HK1: variants seen among roughly 807,000 people sequenced by gnomAD.
HK1 encodes the protein hexokinase 1, also known as hexokinase-1.
In HK1, 28 loss-of-function variants were observed where a neutral mutation model predicts 91.6. That is an observed-to-expected ratio of 0.31 (90% CI 0.23 to 0.42). The LOEUF is 0.42. Among genes scored for constraint, HK1 ranks in the 10% least tolerant of loss-of-function variants. HK1 has a pLI of 1.00. For missense variants in HK1, 770 were observed against 1,219.8 expected, an observed-to-expected ratio of 0.63 and a Z score of 5.49; for synonymous variants, 430 against 468.1, an observed-to-expected ratio of 0.92 and a Z score of 1.05.
At position 69,395,174 on chromosome 10, in the gene HK1, G is replaced by A. The variant is rs1385622691; in HGVS notation, c.2375+69G>A. The A allele has an allele frequency of 3.3e-6, 5 of 1,506,954 alleles. No homozygotes were observed. In the South Asian group the frequency reaches 3.5e-5, roughly 10 times the overall value. The allele number at this position is 1,506,954 out of a possible 1,614,324, so 93.3% of individuals were successfully genotyped here. On this transcript the variant is annotated intron_variant, in intron 16 of 17. Coordinates refer to ENST00000359426, the MANE Select transcript of HK1 (RefSeq NM_000188.3). Reference sequence around the variant, plus strand: ...GTCGCCTGGCTGGTGGATTGTGATGGGGGTGGTAGGGACCCTAGGGGACAT... The same window carrying A: ...GTCGCCTGGCTGGTGGATTGTGATGAGGGTGGTAGGGACCCTAGGGGACAT...
intron 2 of HK1, among the ~76,000 whole-genome samples, chr10:69,348,917 A>G (rs1334093359): frequency 6.6e-6 from 1 of 152,170 alleles, no homozygotes; most frequent in Non-Finnish European, 1.5e-5. Flanking sequence ...CTCGAGACAC[A>G]TCTGTCCTGT....
intron 7 of HK1, among the ~76,000 whole-genome samples, 163 bp from the exon 8 acceptor site, chr10:69,376,771 C>G (rs1458547917): frequency 6.6e-6 from 1 of 152,168 alleles, no homozygotes; most frequent in Non-Finnish European, 1.5e-5. Context: ...CGATCCCTCT[C>G]CCTCTGCTGT....
At chr10:69,346,883 C>G (rs1177933295) in intron 2 of HK1, among the ~76,000 whole-genome samples, 2 of 152,048 alleles carry the variant, frequency 1.3e-5, no homozygotes, top group Non-Finnish European at 2.9e-5. Flanking sequence ...GAAAACGTCC[C>G]CTTTGCCCTC....
intron 1 of HK1, among the ~76,000 whole-genome samples, chr10:69,332,385 T>TTTCTTTCTTTCTTTCTTTC (rs1589497802): frequency 3.7e-5 from 5 of 133,358 alleles, no homozygotes; most frequent in Non-Finnish European, 7.7e-5. Context: ...TTCTTTCTTT[T>TTTCTTTCTTTCTTTCTTTC]TTTCTTTTTT....
intron 2 of HK1, among the ~76,000 whole-genome samples, chr10:69,356,199 G>T (rs1180204761): frequency 1.3e-5 from 2 of 152,316 alleles, no homozygotes; most frequent in East Asian, 3.9e-4. Context: ...CACTTTGGGA[G>T]GCCAAGCAAG....
chr10:69,275,399 C>A (rs369503039), intron 1 of HK1, among the ~76,000 whole-genome samples: 40 of 137,410 alleles, frequency 2.9e-4, no homozygotes, highest in Middle Eastern at 4.3e-3. Context: ...AAAAAAAAAA[C>A]AACTTAAATT....
chr10:69,348,175 AAG>A (rs1564530687), intron 2 of HK1, among the ~76,000 whole-genome samples: 2 of 152,208 alleles, frequency 1.3e-5, no homozygotes, highest in South Asian at 2.1e-4. Flanking sequence ...CTTTACCCAA[AAG>A]AGAAGTTTTT....
chr10:69,317,383 G>C (rs1406510900), upstream of HK1, among the ~76,000 whole-genome samples: 2 of 152,170 alleles, frequency 1.3e-5, no homozygotes, highest in African/African-American at 4.8e-5. Flanking sequence ...ACTGTGACCT[G>C]GACAGGAAGC....
chr10:69,366,463 G>C (rs949629048), intron 4 of HK1, among the ~76,000 whole-genome samples: 1 of 152,106 alleles, frequency 6.6e-6, no homozygotes. Context: ...CAGCAAGAAG[G>C]GGCTTGAGAG....
At chr10:69,362,953 T>G (rs1158799577) in intron 3 of HK1, among the ~76,000 whole-genome samples, 2 of 152,154 alleles carry the variant, frequency 1.3e-5, no homozygotes, top group East Asian at 3.9e-4. Flanking sequence ...TGACCAGGCG[T>G]TCTATTACTC....
upstream of HK1, among the ~76,000 whole-genome samples, chr10:69,313,110 C>G (rs998342517): frequency 6.6e-6 from 1 of 152,176 alleles, no homozygotes; most frequent in Non-Finnish European, 1.5e-5. Context: ...GATTCAGGTA[C>G]AAGACTTAAG....
At position 69,370,273 on chromosome 10, in the gene HK1, G is replaced by A. The variant is rs537460978; in HGVS notation, c.875+649G>A. Among the ~76,000 whole-genome samples the A allele has an allele frequency of 1.6e-4, 25 of 152,160 alleles. 1 individual carries two copies. The South Asian group carries it at 5.2e-3, about 32-fold the overall frequency. ...TGCGGCCAGAGTTGAGCAGGTACTG[G>A]TGGTCAGGGGAGGAGATCAAGAGGT... On this transcript the variant is annotated intron_variant, in intron 7 of 17. Transcript: ENST00000359426.
chr10:69,377,593 A>G (rs1839180034), intron 8 of HK1, among the ~76,000 whole-genome samples: 1 of 152,208 alleles, frequency 6.6e-6, no homozygotes, highest in African/African-American at 2.4e-5. Context: ...CTTGACCAAT[A>G]GGATTGGGAA....
chr10:69,338,131 C>T (rs1270533754), intron 1 of HK1: 5 of 537,150 alleles, frequency 9.3e-6, no homozygotes, highest in South Asian at 5.7e-5. Context: ...CTTTGGGAGC[C>T]GCTGAGAGCT....
upstream of HK1, chr10:69,318,798 A>C (rs1440044921): frequency 2.2e-6 from 3 of 1,378,980 alleles, no homozygotes; most frequent in Non-Finnish European, 2.8e-6. Context: ...GGAGCGCGCG[A>C]GCTGTCGCCG....
intron 1 of HK1, among the ~76,000 whole-genome samples, chr10:69,325,682 G>T (rs1053108417): frequency 6.6e-6 from 1 of 151,326 alleles, no homozygotes; most frequent in Non-Finnish European, 1.5e-5. Flanking sequence ...GATTACAGTC[G>T]CCTGCCACCA....
chr10:69,343,562 G>A (rs1167366699), intron 1 of HK1, among the ~76,000 whole-genome samples: 1 of 152,220 alleles, frequency 6.6e-6, no homozygotes, highest in Non-Finnish European at 1.5e-5. Flanking sequence ...GGGGGTTGAA[G>A]AGCAGCTTCC....
chr10:69,310,280 G>T (rs899856326), intron 5 of HK1, among the ~76,000 whole-genome samples: 1 of 151,776 alleles, frequency 6.6e-6, no homozygotes, highest in Admixed American at 6.6e-5. Flanking sequence ...AATTAGCCGG[G>T]TGTGGTGGTG....
rs138544223 is a variant in HK1, at chr10:69,323,207, T to C, written c.63+4197T>C. Among the ~76,000 whole-genome samples the C allele has an allele frequency of 5.9e-3, 883 of 148,514 alleles. 6 individuals carry two copies. The highest frequency in any genetic ancestry group is 8.7e-3 in the Non-Finnish European group (585 of 67,578). On this transcript the variant is annotated intron_variant, in intron 1 of 17. Transcript: ENST00000359426. ...GTTGCATGAGCCAGGATCATGCCAC[T>C]GCACTCCAGCCTGGGCAACAGAGCG...
Sources: allele counts gnomAD v4.1 joint callset (sites outside exome capture counted in the v4.1 genomes callset), GRCh38; gene constraint gnomAD v4.1.1; transcripts MANE v1.5; gene names NCBI Gene and HGNC (gene_info 2026-07-23, HGNC 2026-07-21).